The following FAF1 variants were observed in gnomAD, a reference collection of about 807,000 sequenced individuals.
The protein encoded by FAF1 is FAS-associated factor 1.
FAF1 carries 25 observed loss-of-function variants against 92.5 expected under a neutral mutation model. The observed-to-expected ratio is 0.27, with a 90% CI of 0.20 to 0.38. The LOEUF is 0.38. Ranked by LOEUF, FAF1 falls within the 10% of genes least tolerant of loss-of-function variation. The pLI is 1.00. For synonymous variants in FAF1, 234 were observed against 273.2 expected (o/e 0.86, Z 1.42); for missense variants, 636 against 793.3 (o/e 0.80, Z 2.38).
At chr1:50,597,379 T>A (rs1370407324) in intron 8 of FAF1, among the ~76,000 whole-genome samples, 1 of 151,992 alleles carries the variant, frequency 6.6e-6, no homozygotes, top group Non-Finnish European at 1.5e-5. Context: ...TTCAATTATT[T>A]AGTCTTTACA....
At chr1:50,822,102 G>C (rs1477529790) in intron 2 of FAF1, among the ~76,000 whole-genome samples, 1 of 150,566 alleles carries the variant, frequency 6.6e-6, no homozygotes, top group Admixed American at 6.6e-5. Context: ...GATCCTAACA[G>C]CCAAATATTT....
intron 13 of FAF1, among the ~76,000 whole-genome samples, chr1:50,541,679 A>G (rs746531322): frequency 3.9e-5 from 6 of 152,166 alleles, no homozygotes; most frequent in South Asian, 2.1e-4. Flanking sequence ...TTATCTGCCC[A>G]TAAGTGCTAT....
At chr1:50,904,722 C>T (rs1644821625) in intron 1 of FAF1, among the ~76,000 whole-genome samples, 1 of 151,954 alleles carries the variant, frequency 6.6e-6, no homozygotes, top group Non-Finnish European at 1.5e-5. Context: ...ACTAATGGTC[C>T]TAAATAATAA....
chr1:50,814,673 G>T (rs946610815), intron 2 of FAF1, among the ~76,000 whole-genome samples: 1 of 152,096 alleles, frequency 6.6e-6, no homozygotes, highest in Non-Finnish European at 1.5e-5. Flanking sequence ...TTTAAAAAAT[G>T]GGCAAAGGAC....
intron 8 of FAF1, among the ~76,000 whole-genome samples, chr1:50,639,547 G>C (rs757465344): frequency 1.3e-5 from 2 of 152,064 alleles, no homozygotes; most frequent in East Asian, 1.9e-4. Context: ...CACCATCCAC[G>C]TACTCCTGAG....
intron 2 of FAF1, among the ~76,000 whole-genome samples, chr1:50,822,169 G>T (rs1440726438): frequency 6.6e-6 from 1 of 151,500 alleles, no homozygotes; most frequent in Non-Finnish European, 1.5e-5. Context: ...AAACCAGAAT[G>T]CAGAACAATG....
chr1:50,616,451 G>A (rs951507128), intron 8 of FAF1, among the ~76,000 whole-genome samples: 1 of 152,104 alleles, frequency 6.6e-6, no homozygotes, highest in African/African-American at 2.4e-5. Flanking sequence ...TAATGATACT[G>A]ATTCTTCCAA....
chr1:50,724,302 C>CACACACACATACACAT (rs1257018016), intron 6 of FAF1, among the ~76,000 whole-genome samples: 1 of 130,228 alleles, frequency 7.7e-6, no homozygotes. Context: ...CACATACACA[C>CACACACACATACACAT]ACACACACAC....
chr1:50,687,079 T>A (rs1656696625), intron 7 of FAF1, among the ~76,000 whole-genome samples: 1 of 152,136 alleles, frequency 6.6e-6, no homozygotes, highest in Non-Finnish European at 1.5e-5. Flanking sequence ...TCCGTCCACC[T>A]GAGCCTTCCA....
At chr1:50,907,232 A>C (rs780673900) in intron 1 of FAF1, among the ~76,000 whole-genome samples, 1 of 152,172 alleles carries the variant, frequency 6.6e-6, no homozygotes, top group Non-Finnish European at 1.5e-5. Flanking sequence ...GATGAAGACA[A>C]CTTGATCGTG....
intron 4 of FAF1, among the ~76,000 whole-genome samples, chr1:50,772,597 G>C (rs1264432120): frequency 6.6e-6 from 1 of 152,124 alleles, no homozygotes; most frequent in East Asian, 1.9e-4. Flanking sequence ...ACTAACACAG[G>C]AACAGAAAAC....
chr1:50,782,211 C>A (rs1351831402), intron 4 of FAF1, among the ~76,000 whole-genome samples: 1 of 151,700 alleles, frequency 6.6e-6, no homozygotes, highest in Non-Finnish European at 1.5e-5. Flanking sequence ...GTAAAACAGG[C>A]TCAGGCTAGT....
Position 50,538,737 on chromosome 1 carries a change from A to C in FAF1, c.1405+855T>G, listed in dbSNP as rs1392997346. 2.6e-5 allele frequency among the ~76,000 whole-genome samples: 4 copies of C among 152,122 alleles called. No individual in the cohort carries two copies. In the South Asian group the frequency reaches 6.2e-4, roughly 24 times the overall value. ...CTTCATTATCCATTTACCCTATGCA[A>C]ATCAGTTCCCCTGGAGGTCTTTTTA... On this transcript the variant is annotated intron_variant, in intron 14 of 18. Coordinates refer to ENST00000396153, the MANE Select transcript of FAF1 (RefSeq NM_007051.3).
At chr1:50,648,488 C>G (rs897024055) in intron 8 of FAF1, among the ~76,000 whole-genome samples, 3 of 152,068 alleles carry the variant, frequency 2.0e-5, no homozygotes, top group Admixed American at 1.3e-4. Context: ...TACTCAGAGC[C>G]TGTATGGGAA....
chr1:50,908,602 A>G (rs1644858756), intron 1 of FAF1, among the ~76,000 whole-genome samples: 1 of 152,084 alleles, frequency 6.6e-6, no homozygotes, highest in Non-Finnish European at 1.5e-5. Context: ...CTTCTTGTTG[A>G]ATTGATCCCT....
chr1:50,600,505 T>G (rs1652050057), intron 8 of FAF1, among the ~76,000 whole-genome samples: 1 of 152,106 alleles, frequency 6.6e-6, no homozygotes, highest in Non-Finnish European at 1.5e-5. Flanking sequence ...CCGAGAAAGC[T>G]CCTTGCCACA....
chr1:50,716,388 T>C (rs1188462797), intron 6 of FAF1, among the ~76,000 whole-genome samples: 2 of 152,186 alleles, frequency 1.3e-5, no homozygotes, highest in East Asian at 3.9e-4. Flanking sequence ...CTCACTATTA[T>C]AAAGTATACA....
intron 15 of FAF1, among the ~76,000 whole-genome samples, chr1:50,527,557 T>G (rs1283916427): frequency 6.6e-6 from 1 of 152,212 alleles, no homozygotes; most frequent in Non-Finnish European, 1.5e-5. Context: ...GAAAAACTTC[T>G]GTAATATATA....
Position 50,584,849 on chromosome 1 carries a change from T to C in FAF1, c.841-38A>G, listed in dbSNP as rs17106299. 2.7e-3 allele frequency: 4,278 copies of C among 1,599,626 alleles called. 82 individuals carry two copies. In the African/African-American group the frequency reaches 0.044, roughly 16 times the overall value. On this transcript the variant is annotated intron_variant, in intron 9 of 18. Transcript: ENST00000396153. ...AGTCCTGATTAGTTTCATATTGATT[T>C]TGGCCTATCAAATTCTAAGAATAAG...
Sources: gnomAD v4.1 joint callset for allele counts (sites outside exome capture counted in the v4.1 genomes callset) on GRCh38, gnomAD v4.1.1 for gene constraint, MANE v1.5 for transcripts, NCBI Gene and HGNC (gene_info 2026-07-23, HGNC 2026-07-21) for gene names.